The following GAPVD1 variants were observed in gnomAD, a reference collection of about 807,000 sequenced individuals.
GAPVD1 encodes the protein GTPase-activating protein and VPS9 domain-containing protein 1.
A neutral mutation model predicts 155.5 loss-of-function variants in GAPVD1; 35 were observed. The observed-to-expected ratio is 0.23, with a 90% confidence interval of 0.17 to 0.30. The LOEUF (loss-of-function observed/expected upper bound fraction) is 0.30, where lower values mean the gene tolerates loss of function less well. Among genes scored for constraint, GAPVD1 ranks in the 10% least tolerant of loss-of-function variants. GAPVD1 has a pLI of 1.00. For synonymous variants in GAPVD1, 636 were observed against 619.7 expected (o/e 1.03, Z -0.39); for missense variants, 1,429 against 1,775.7 (o/e 0.80, Z 3.51).
chr9:125,362,486 GGTT>G, intron 27 of GAPVD1, 117 bp from the exon 28 acceptor site: 2 of 784,534 alleles, frequency 2.5e-6, no homozygotes, highest in South Asian at 4.0e-5. Context: ...ATAACTTTGG[GGTT>G]GTTTTCAAAA....
chr9:125,348,536 G>A (rs2132316361), intron 20 of GAPVD1, among the ~76,000 whole-genome samples: 1 of 152,032 alleles, frequency 6.6e-6, no homozygotes, highest in Middle Eastern at 3.4e-3. Context: ...TTTTCGAGAT[G>A]GAGTCTTACT....
intron 25 of GAPVD1, among the ~76,000 whole-genome samples, chr9:125,357,484 A>G (rs1323214719): frequency 6.6e-6 from 1 of 152,060 alleles, no homozygotes; most frequent in African/African-American, 2.4e-5. Context: ...GAGGCTGAAT[A>G]GGGAGGATCA....
chr9:125,343,922 T>A (rs536655749), intron 19 of GAPVD1, among the ~76,000 whole-genome samples: 1 of 152,368 alleles, frequency 6.6e-6, no homozygotes, highest in East Asian at 1.9e-4. Context: ...CTGAAGAAGT[T>A]ATAAATTATT....
chr9:125,310,242 T>C (rs771734092), intron 8 of GAPVD1, among the ~76,000 whole-genome samples: 5 of 152,138 alleles, frequency 3.3e-5, no homozygotes, highest in Non-Finnish European at 7.3e-5. Flanking sequence ...AATAAAGGTA[T>C]GAGTAGGCCT....
intron 15 of GAPVD1, chr9:125,335,286 G>A: frequency 1.6e-6 from 1 of 633,486 alleles, no homozygotes; most frequent in Admixed American, 2.8e-5. Context: ...TGCAAAAAAT[G>A]TGTCATTCTC....
chr9:125,312,909 A>C (rs1302755000), intron 9 of GAPVD1, among the ~76,000 whole-genome samples: 1 of 151,048 alleles, frequency 6.6e-6, no homozygotes, highest in Non-Finnish European at 1.5e-5. Context: ...CAACCTCCCA[A>C]TCCCGGGTTC....
At chr9:125,276,871 A>T (rs1403322415) in intron 2 of GAPVD1, among the ~76,000 whole-genome samples, 1 of 152,090 alleles carries the variant, frequency 6.6e-6, no homozygotes, top group African/African-American at 2.4e-5. Context: ...CAGTGTTCTC[A>T]TATCAGCCTC....
rs749389797 is a variant in GAPVD1, at chr9:125,350,700, A to G, written c.3410-13A>G. 1.1e-5 allele frequency: 16 copies of G among 1,437,656 alleles called. No homozygotes were observed. In the East Asian group the frequency reaches 3.2e-4, roughly 29 times the overall value. The allele number at this position is 1,437,656 out of a possible 1,614,324, so 89.1% of individuals were successfully genotyped here. On this transcript the variant is annotated splice_polypyrimidine_tract_variant and intron_variant, in intron 22 of 27. Coordinates refer to ENST00000297933, the MANE Select transcript of GAPVD1 (RefSeq NM_001282680.3). ...TTCTCAAGAATAACAGAATTCTTGT[A>G]TCTTTTATTTAGACAATGAAATTGT...
rs576469894 is a variant in GAPVD1 at position 125,329,979 on chromosome 9, G to A, written c.2033-99G>A. The A allele has an allele frequency of 1.0e-5, 10 of 983,894 alleles. No individual in the cohort carries two copies. The South Asian group carries it at 1.7e-4, about 16-fold the overall frequency. 60.9% of individuals were successfully genotyped at this position (983,894 alleles called of 1,614,324 possible). ...TTACAGGTGTGAGCCACCGCGCCCA[G>A]CCAGGAGATTTTGTTAGCTAGTGTT... On this transcript the variant is annotated intron_variant, in intron 12 of 27. Transcript: ENST00000297933.
At chr9:125,318,768 T>C (rs925561595) in intron 9 of GAPVD1, among the ~76,000 whole-genome samples, 3 of 151,478 alleles carry the variant, frequency 2.0e-5, no homozygotes, top group African/African-American at 4.9e-5. Context: ...ATAAAAAAAT[T>C]TCCAGGGATG....
In GAPVD1 at chr9:125,355,681, T is replaced by G; in HGVS notation, c.3795T>G (p.Ala1265=). The change falls in exon 25 of 28, where the codon GCT becomes GCG. Residue 1265 remains alanine (A), a synonymous_variant. Coordinates refer to ENST00000297933, the MANE Select transcript of GAPVD1 (RefSeq NM_001282680.3). ...TCACCGCAGCTGACGATAAAACTGC[T>G]CAGGTAGAAGATTTTCTGCAGTTTC... is the stretch of plus-strand genomic sequence containing the variant. ...QKLTAADDKT[A]QVEDFLQFLY... 6.2e-7 allele frequency: 1 copy of G among 1,613,600 alleles called. No homozygotes were observed. Among genetic ancestry groups the G allele is most frequent in the Non-Finnish European group, 8.5e-7 (1 of 1,179,548 alleles).
intron 1 of GAPVD1, among the ~76,000 whole-genome samples, chr9:125,266,945 G>A (rs1368220406): frequency 2.0e-5 from 3 of 151,702 alleles, no homozygotes. Context: ...TATTTTTAGT[G>A]GAGATGGGGT....
chr9:125,276,369 A>G (rs1025903667), intron 2 of GAPVD1, among the ~76,000 whole-genome samples: 1 of 152,182 alleles, frequency 6.6e-6, no homozygotes, highest in Non-Finnish European at 1.5e-5. Flanking sequence ...ATTTTTTCTC[A>G]TTTAATATTT....
At chr9:125,323,710 TTG>T in intron 10 of GAPVD1, 86 bp from the exon 11 acceptor site, 1 of 1,225,674 alleles carries the variant, frequency 8.2e-7, no homozygotes, top group Non-Finnish European at 1.2e-6. Flanking sequence ...CTTTAATCAG[TTG>T]TTAGTCTTTT....
intron 2 of GAPVD1, among the ~76,000 whole-genome samples, chr9:125,288,312 A>G (rs563574960): frequency 1.5e-4 from 23 of 151,918 alleles, no homozygotes; most frequent in Middle Eastern, 6.8e-3. Flanking sequence ...GGGTTTCACA[A>G]TGCTGGTCAG....
In GAPVD1 at chr9:125,334,430, T is replaced by C. The variant is rs1846574821; in HGVS notation, c.2428+1801T>C. ...TGCGTTTTCACCGCATTCTGAGATA[T>C]GATGAGATGTCTCAAGAAGCACTTA... On this transcript the variant is annotated intron_variant, in intron 15 of 27. Transcript: ENST00000297933. Among the ~76,000 whole-genome samples the C allele has an allele frequency of 1.3e-5, 2 of 152,350 alleles. 1 individual carries two copies. The highest frequency in any genetic ancestry group is 2.9e-5 in the Non-Finnish European group (2 of 68,030).
intron 26 of GAPVD1, 44 bp from the exon 27 acceptor site, chr9:125,360,484 G>C: frequency 6.6e-7 from 1 of 1,507,010 alleles, no homozygotes; most frequent in East Asian, 2.3e-5. Flanking sequence ...GCGCAGGGTT[G>C]CCACTGGATT....
intron 2 of GAPVD1, among the ~76,000 whole-genome samples, chr9:125,270,227 G>T (rs988203524): frequency 7.9e-5 from 12 of 151,904 alleles, no homozygotes; most frequent in Admixed American, 7.9e-4. Flanking sequence ...TCAGGAGTTT[G>T]AGTCCAGCCT....
At chr9:125,314,560 A>C (rs1474630502) in intron 9 of GAPVD1, among the ~76,000 whole-genome samples, 1 of 152,000 alleles carries the variant, frequency 6.6e-6, no homozygotes, top group Non-Finnish European at 1.5e-5. Context: ...AGGCTGAGAC[A>C]GGAGAATCGC....
Sources: gnomAD v4.1 joint callset for allele counts (sites outside exome capture counted in the v4.1 genomes callset) on GRCh38, gnomAD v4.1.1 for gene constraint, MANE v1.5 for transcripts, NCBI Gene and HGNC (gene_info 2026-07-23, HGNC 2026-07-21) for gene names.